Variants in RBL1 observed in about 807,000 individuals in gnomAD.
RBL1 encodes the protein RB transcriptional corepressor like 1, also known as retinoblastoma-like protein 1.
In RBL1, 82 loss-of-function variants were observed where a neutral mutation model predicts 123.0. The observed-to-expected ratio is 0.67, with a 90% CI of 0.56 to 0.80. The LOEUF (loss-of-function observed/expected upper bound fraction) is 0.80, where lower values mean the gene tolerates loss of function less well. RBL1 is among the 30% of genes least tolerant of loss of function. The pLI is 0.00. For synonymous variants in RBL1, 405 were observed against 441.3 expected (o/e 0.92, Z 1.03); for missense variants, 1,171 against 1,299.6 (o/e 0.90, Z 1.52).
At chr20:37,057,379 T>G (rs1184042853) in intron 9 of RBL1, among the ~76,000 whole-genome samples, 1 of 152,196 alleles carries the variant, frequency 6.6e-6, no homozygotes, top group Non-Finnish European at 1.5e-5. Context: ...TTGGTTTTTT[T>G]GGGGTGATGA....
chr20:36,999,627 G>C (rs62206473), intron 21 of RBL1, among the ~76,000 whole-genome samples: 4 of 148,504 alleles, frequency 2.7e-5, no homozygotes, highest in Non-Finnish European at 4.5e-5. Flanking sequence ...GAGTGCCTGC[G>C]ATTGCAGGCA....
rs1430558602 is a variant in RBL1, at chr20:37,070,901, A to AT, written c.291-2716dup. Among the ~76,000 whole-genome samples the AT allele has an allele frequency of 3.6e-3, 531 of 146,412 alleles. 1 individual carries two copies. Among genetic ancestry groups the AT allele is most frequent in the African/African-American group, 0.012 (462 of 40,020 alleles). On this transcript the variant is annotated intron_variant, in intron 2 of 21. Coordinates refer to ENST00000373664, the MANE Select transcript of RBL1 (RefSeq NM_002895.5). ...CAATATATACAGAATAATACTTGTAATTTTTTTTTTTTGAGATGGAGTCTC... is the reference window on the plus strand; with the variant it reads ...CAATATATACAGAATAATACTTGTAATTTTTTTTTTTTTGAGATGGAGTCTC...
intron 15 of RBL1, among the ~76,000 whole-genome samples, chr20:37,033,105 C>A (rs535534614): frequency 6.6e-6 from 1 of 150,790 alleles, no homozygotes; most frequent in East Asian, 2.0e-4. Flanking sequence ...GTGGCCTCGA[C>A]CTCCTGGGCT....
At chr20:37,037,371 C>A (rs933561448) in intron 14 of RBL1, among the ~76,000 whole-genome samples, 6 of 152,274 alleles carry the variant, frequency 3.9e-5, no homozygotes, top group African/African-American at 1.4e-4. Context: ...ACATGACAAT[C>A]TGTCAAGGTA....
At chr20:37,092,454 G>A (rs2065664663) in intron 1 of RBL1, among the ~76,000 whole-genome samples, 1 of 151,898 alleles carries the variant, frequency 6.6e-6, no homozygotes, top group African/African-American at 2.4e-5. Context: ...CTGCAGCCTC[G>A]ACCTCCCAGG....
intron 12 of RBL1, among the ~76,000 whole-genome samples, chr20:37,044,753 C>T (rs186021643): frequency 1.7e-3 from 263 of 152,272 alleles, no homozygotes; most frequent in African/African-American, 6.0e-3. Flanking sequence ...AATATGTTCA[C>T]ATATATTTCT....
At chr20:37,000,979 G>A (rs1364992041) in intron 21 of RBL1, among the ~76,000 whole-genome samples, 1 of 140,950 alleles carries the variant, frequency 7.1e-6, no homozygotes, top group Admixed American at 6.9e-5. Flanking sequence ...ACTGGGAAGA[G>A]AGGAGCCCCT....
rs80133087 is a variant in RBL1 at position 37,033,917 on chromosome 20, C to T, written c.2171-1041G>A. 6.5e-4 allele frequency among the ~76,000 whole-genome samples: 97 copies of T among 150,270 alleles called. 2 individuals are homozygous for T. The East Asian group carries it at 0.015, about 24-fold the overall frequency. ...TAGGTGTGAGCCACTGTGCCTGGCG[C>T]CCCCCGGGCCCCCTTTTTTTTTTCT... On this transcript the variant is annotated intron_variant, in intron 15 of 21. Transcript: ENST00000373664.
In RBL1 at chr20:37,000,623, G is replaced by A. The variant is rs1473078373; in HGVS notation, c.3037-1694C>T. 8.5e-5 allele frequency among the ~76,000 whole-genome samples: 12 copies of A among 141,746 alleles called. No individual in the cohort carries two copies. In the South Asian group the frequency reaches 1.3e-3, roughly 16 times the overall value. The allele number at this position is 141,746 out of a possible 152,430, so 93.0% of individuals were successfully genotyped here. On this transcript the variant is annotated intron_variant, in intron 21 of 21. Transcript: ENST00000373664. ...GGGTCAGCCCCGGGCCCGGCCAGCC[G>A]CCACATCCGGGAGGTGAGGGGCGCC...
At chr20:37,090,441 C>T (rs1211288971) in intron 1 of RBL1, among the ~76,000 whole-genome samples, 1 of 152,158 alleles carries the variant, frequency 6.6e-6, no homozygotes, top group Non-Finnish European at 1.5e-5. Flanking sequence ...CCTGAAGTTT[C>T]TATCGTTTTT....
chr20:37,047,053 C>T lies in RBL1; in HGVS notation c.1605G>A (p.Lys535=), dbSNP rs953219498. The change falls in exon 12 of 22, where the codon AAG becomes AAA. Residue 535 remains lysine (K), a splice_region_variant and synonymous_variant. Transcript: ENST00000373664. ...VLNLQPFYFY[K]VIEVVIRSEE... ...TAACAGAACTTTGTTTTCATCTCAC[C>T]TTATAAAAGTAAAATGGTTGCAAGT... 6.3e-7 allele frequency: 1 copy of T among 1,580,542 alleles called. No individual in the cohort carries two copies.
chr20:37,049,955 G>A lies in RBL1; in HGVS notation c.1468-2765C>T, dbSNP rs567377752. Among the ~76,000 whole-genome samples, 419 of 151,734 alleles carry A rather than the reference G, an allele frequency of 2.8e-3. 2 individuals carry two copies. Among genetic ancestry groups the A allele is most frequent in the African/African-American group, 9.5e-3 (392 of 41,350 alleles). On this transcript the variant is annotated intron_variant, in intron 11 of 21. Coordinates refer to ENST00000373664, the MANE Select transcript of RBL1 (RefSeq NM_002895.5). ...CGCATCCCTGTAATCCTAGCTACTC[G>A]GGAGGCTGAGGCAGGAGAATAGCTG... is the stretch of plus-strand genomic sequence containing the variant.
intron 20 of RBL1, among the ~76,000 whole-genome samples, chr20:37,006,832 C>T (rs1332152125): frequency 1.6e-5 from 2 of 128,206 alleles, no homozygotes; most frequent in Non-Finnish European, 3.2e-5. Context: ...CAGGGTGAGA[C>T]TGTCTCAAAA....
chr20:37,057,817 G>A (rs574157291), intron 9 of RBL1, among the ~76,000 whole-genome samples: 3 of 151,834 alleles, frequency 2.0e-5, no homozygotes, highest in Non-Finnish European at 4.4e-5. Flanking sequence ...GGTGAAACAT[G>A]TCTCTACTAA....
chr20:37,087,596 T>A (rs968227567), intron 2 of RBL1, among the ~76,000 whole-genome samples: 8 of 152,034 alleles, frequency 5.3e-5, no homozygotes, highest in Admixed American at 2.0e-4. Flanking sequence ...TCTAAAAAAA[T>A]TTTTTTTAAT....
intron 16 of RBL1, among the ~76,000 whole-genome samples, chr20:37,032,273 A>G (rs1190587240): frequency 2.0e-5 from 3 of 152,222 alleles, no homozygotes; most frequent in African/African-American, 7.2e-5. Flanking sequence ...GGCACAAGCT[A>G]TAATATGAAT....
At chr20:37,093,574 G>A (rs765507328) in intron 1 of RBL1, among the ~76,000 whole-genome samples, 17 of 151,976 alleles carry the variant, frequency 1.1e-4, no homozygotes, top group Non-Finnish European at 1.0e-4. Flanking sequence ...AGAAGTTTGA[G>A]TTTACAGTGA....
Position 37,040,282 on chromosome 20 carries a change from T to A in RBL1, c.1774A>T (p.Ile592Leu). The A allele has an allele frequency of 6.2e-7, 1 of 1,613,032 alleles. No individual in the cohort carries two copies. The highest frequency in any genetic ancestry group is 1.1e-5 in the South Asian group (1 of 90,644). ...CCTGTTTCAAAGTTATTTGGGAATATAACCTGTAGAAAACAAAAACCCTTT... is the reference window on the plus strand; with the variant it reads ...CCTGTTTCAAAGTTATTTGGGAATAAAACCTGTAGAAAACAAAAACCCTTT... ...ANKVPTCEEV[I>L]FPNNFETGNG... Residue 592 changes from isoleucine (I) to leucine (L), a missense_variant, in exon 14 of 22, where the codon ATA becomes TTA. By Grantham distance (5) the Ile-to-Leu change is conservative. Transcript: ENST00000373664.
intron 2 of RBL1, among the ~76,000 whole-genome samples, chr20:37,077,823 G>A (rs1231193789): frequency 6.9e-6 from 1 of 145,202 alleles, no homozygotes; most frequent in African/African-American, 2.5e-5. Context: ...CATAACCAAA[G>A]TACAATTATC....
Sources: allele counts gnomAD v4.1 joint callset (sites outside exome capture counted in the v4.1 genomes callset), GRCh38; gene constraint gnomAD v4.1.1; transcripts MANE v1.5; gene names NCBI Gene and HGNC (gene_info 2026-07-23, HGNC 2026-07-21).